YAE1: variants seen among roughly 807,000 people sequenced by gnomAD.
YAE1 encodes protein YAE1 homolog.
Under a neutral mutation model 23.0 loss-of-function variants are expected in YAE1, and 22 were observed. The ratio of observed to expected loss-of-function variants is 0.96; its 90% CI spans 0.68 to 1.37. The LOEUF is 1.37. YAE1 is among the 40% of genes most tolerant of loss of function. The pLI is 0.00. For synonymous variants in YAE1, 101 were observed against 97.0 expected (o/e 1.04, Z -0.24); for missense variants, 260 against 262.1 (o/e 0.99, Z 0.06).
At chr7:39,607,692 G>A (rs1251165534) in intron 2 of YAE1, among the ~76,000 whole-genome samples, 2 of 152,202 alleles carry the variant, frequency 1.3e-5, no homozygotes, top group East Asian at 3.9e-4. Context: ...TTTTTAAGAT[G>A]TAGTCTCGCC....
chr7:39,596,203 T>C (rs1170965075), intron 2 of YAE1, among the ~76,000 whole-genome samples: 2 of 151,658 alleles, frequency 1.3e-5, no homozygotes, highest in African/African-American at 2.4e-5. Context: ...TATTTTTTTT[T>C]CTTTTTTTGG....
chr7:39,588,435 A>T (rs1475317430), intron 2 of YAE1, among the ~76,000 whole-genome samples: 2 of 151,302 alleles, frequency 1.3e-5, no homozygotes, highest in Non-Finnish European at 2.9e-5. Flanking sequence ...CGCTTGTTGC[A>T]GTGAAACCAG....
intron 2 of YAE1, among the ~76,000 whole-genome samples, chr7:39,588,579 A>G (rs965403155): frequency 1.6e-4 from 24 of 152,008 alleles, no homozygotes; most frequent in African/African-American, 5.8e-4. Context: ...GTCGCAGGAA[A>G]CACCACAGTG....
chr7:39,577,603 G>A (rs917553421), downstream of YAE1, among the ~76,000 whole-genome samples: 7 of 152,312 alleles, frequency 4.6e-5, no homozygotes, highest in South Asian at 2.1e-4. Context: ...CCGGCACTGC[G>A]CTCAAATTCT....
intron 2 of YAE1, among the ~76,000 whole-genome samples, chr7:39,594,103 C>T (rs1176594798): frequency 4.6e-5 from 7 of 152,204 alleles, no homozygotes; most frequent in Admixed American, 4.6e-4. Context: ...AACTCAAACT[C>T]CAAACTCTAC....
chr7:39,570,554 C>T lies in YAE1; in HGVS notation c.178C>T (p.Gln60Ter), dbSNP rs757881848. 6.2e-7 allele frequency: 1 copy of T among 1,611,654 alleles called. No individual in the cohort carries two copies. The highest frequency in any genetic ancestry group is 1.1e-5 in the South Asian group (1 of 90,348). Residue 60 changes from glutamine (Q) to a stop codon, truncating the protein, a stop_gained, in exon 2 of 3, where the codon CAG becomes TAG. Coordinates refer to ENST00000223273, the MANE Select transcript of YAE1 (RefSeq NM_020192.5). LOFTEE classifies it high-confidence loss of function. ...TGCTGGCAAAGCAGTTACTCTTCAA[C>T]AGGGCTTCAATCAAGGTTATAAGAA... is the stretch of plus-strand genomic sequence containing the variant. ...IDAGKAVTLQ[Q>*]GFNQGYKKGA...
chr7:39,569,892 ATAG>A (rs1326941383), intron 1 of YAE1: 2 of 1,114,474 alleles, frequency 1.8e-6, no homozygotes, highest in African/African-American at 3.1e-5. Flanking sequence ...ACAATGATAA[ATAG>A]TAGGAAGAAC....
At chr7:39,605,937 T>G (rs964235525) in intron 2 of YAE1, among the ~76,000 whole-genome samples, 2 of 152,128 alleles carry the variant, frequency 1.3e-5, no homozygotes, top group Non-Finnish European at 2.9e-5. Context: ...AGAGTTCTTT[T>G]TTTTGTTTTG....
chr7:39,591,886 T>C (rs1458064976), intron 2 of YAE1, among the ~76,000 whole-genome samples: 2 of 152,230 alleles, frequency 1.3e-5, no homozygotes, highest in Non-Finnish European at 2.9e-5. Context: ...TTTACACTTA[T>C]GTATTTTTGC....
intron 2 of YAE1, 139 bp downstream of exon 2, chr7:39,570,766 T>C (rs1304130366): frequency 8.7e-7 from 1 of 1,144,518 alleles, no homozygotes; most frequent in Non-Finnish European, 1.2e-6. Context: ...CATAGAATTA[T>C]ATTGCCTTCA....
At chr7:39,600,301 G>C (rs1791037103) in intron 2 of YAE1, among the ~76,000 whole-genome samples, 1 of 152,128 alleles carries the variant, frequency 6.6e-6, no homozygotes, top group Non-Finnish European at 1.5e-5. Context: ...TTGGAAATAG[G>C]GTTATTGATA....
intron 2 of YAE1, among the ~76,000 whole-genome samples, chr7:39,588,284 G>A (rs762798663): frequency 1.3e-5 from 2 of 152,154 alleles, no homozygotes; most frequent in African/African-American, 4.8e-5. Flanking sequence ...GGCTGAGGCG[G>A]GTGGATCACC....
intron 2 of YAE1, among the ~76,000 whole-genome samples, chr7:39,605,549 G>T (rs1791117632): frequency 6.6e-6 from 1 of 152,264 alleles, no homozygotes; most frequent in Middle Eastern, 3.4e-3. Flanking sequence ...TTGAAACACT[G>T]GCTGTTTTGG....
chr7:39,578,829 G>A (rs543110389), intron 2 of YAE1, among the ~76,000 whole-genome samples: 1 of 152,094 alleles, frequency 6.6e-6, no homozygotes, highest in Non-Finnish European at 1.5e-5. Context: ...TCATACACCA[G>A]GCTAAACAGT....
chr7:39,577,143 G>A (rs547625221), downstream of YAE1, among the ~76,000 whole-genome samples: 27 of 152,282 alleles, frequency 1.8e-4, no homozygotes, highest in African/African-American at 5.3e-4. Context: ...TGATCCACCC[G>A]CCTTGGCCTC....
chr7:39,603,045 G>A (rs531510826), intron 2 of YAE1, among the ~76,000 whole-genome samples: 1 of 152,374 alleles, frequency 6.6e-6, no homozygotes, highest in East Asian at 1.9e-4. Context: ...CACTGTGCTA[G>A]GTCTAAATTT....
chr7:39,570,100 G>T, intron 1 of YAE1: 1 of 1,051,396 alleles, frequency 9.5e-7, no homozygotes, highest in Non-Finnish European at 1.4e-6. Context: ...TGTCTGTGAT[G>T]ATGCGTACGT....
chr7:39,583,159 C>T (rs547536565), intron 2 of YAE1, among the ~76,000 whole-genome samples: 1 of 152,142 alleles, frequency 6.6e-6, no homozygotes, highest in African/African-American at 2.4e-5. Context: ...ATGTTATGCA[C>T]CCATTAAAAG....
chr7:39,566,695 T>G, intron 1 of YAE1, 148 bp downstream of exon 1: 1 of 1,081,918 alleles, frequency 9.2e-7, no homozygotes, highest in Admixed American at 3.0e-5. Context: ...TTGCTAGGAT[T>G]TCTCGATGGT....
Sources: gnomAD v4.1 joint callset for allele counts (sites outside exome capture counted in the v4.1 genomes callset) on GRCh38, gnomAD v4.1.1 for gene constraint, MANE v1.5 for transcripts, NCBI Gene and HGNC (gene_info 2026-07-23, HGNC 2026-07-21) for gene names.